Variants in RERE observed in about 807,000 individuals in gnomAD.
RERE encodes arginine-glutamic acid dipeptide repeats protein.
A neutral mutation model predicts 146.1 loss-of-function variants in RERE; 40 were observed. The observed-to-expected ratio is 0.27, with a 90% CI of 0.21 to 0.36. The LOEUF (loss-of-function observed/expected upper bound fraction) is 0.36. Ranked by LOEUF, RERE falls within the 10% of genes least tolerant of loss-of-function variation. The pLI, the probability that RERE is intolerant of heterozygous loss-of-function variation, is 1.00. For synonymous variants in RERE, 1,003 were observed against 866.0 expected (o/e 1.16, Z -2.78); for missense variants, 1,933 against 2,138.7 (o/e 0.90, Z 1.90).
chr1:8,547,077 GCTTTT>G (rs1468975721), intron 6 of RERE, among the ~76,000 whole-genome samples: 3 of 60,260 alleles, frequency 5.0e-5, no homozygotes, highest in Non-Finnish European at 1.2e-4. Context: ...ATACCAACAA[GCTTTT>G]TTTTTAAAAA....
intron 2 of RERE, among the ~76,000 whole-genome samples, chr1:8,641,187 C>T (rs1350506096): frequency 1.3e-5 from 2 of 152,172 alleles, no homozygotes; most frequent in African/African-American, 4.8e-5. Flanking sequence ...GAGCCAAATT[C>T]CTGCATTTCC....
At chr1:8,778,196 T>C (rs1641103388) in intron 1 of RERE, among the ~76,000 whole-genome samples, 1 of 152,336 alleles carries the variant, frequency 6.6e-6, no homozygotes, top group Non-Finnish European at 1.5e-5. Context: ...ATAATTCTCA[T>C]TGTGATGACC....
chr1:8,415,349 C>G (rs1286381068), intron 12 of RERE, among the ~76,000 whole-genome samples: 1 of 152,180 alleles, frequency 6.6e-6, no homozygotes, highest in African/African-American at 2.4e-5. Flanking sequence ...ATCCAGGTAA[C>G]CAAGACACAG....
intron 2 of RERE, among the ~76,000 whole-genome samples, chr1:8,626,384 T>C (rs1646973977): frequency 1.3e-5 from 2 of 152,122 alleles, no homozygotes; most frequent in Admixed American, 6.5e-5. Context: ...CATACCACAT[T>C]TCATGACATT....
chr1:8,680,581 A>G (rs1418929315), intron 1 of RERE, among the ~76,000 whole-genome samples: 3 of 152,206 alleles, frequency 2.0e-5, no homozygotes, highest in African/African-American at 7.2e-5. Context: ...GAAGGAAGAC[A>G]GAGGAGGAGT....
At chr1:8,475,404 G>A (rs938875990) in intron 10 of RERE, among the ~76,000 whole-genome samples, 7 of 147,816 alleles carry the variant, frequency 4.7e-5, no homozygotes, top group Non-Finnish European at 5.9e-5. Context: ...TTGGCTGGGC[G>A]TGGTGGCTCA....
chr1:8,767,480 G>A (rs1428679663), intron 1 of RERE, among the ~76,000 whole-genome samples: 1 of 151,812 alleles, frequency 6.6e-6, no homozygotes, highest in Admixed American at 6.6e-5. Flanking sequence ...GTGCACATCT[G>A]TATTAATCCC....
At chr1:8,512,341 C>T (rs1380484172) in intron 7 of RERE, among the ~76,000 whole-genome samples, 1 of 151,930 alleles carries the variant, frequency 6.6e-6, no homozygotes, top group African/African-American at 2.4e-5. Flanking sequence ...CCAGGAAACA[C>T]TCTTAATCAT....
chr1:8,575,581 A>G (rs1297473508), intron 4 of RERE, among the ~76,000 whole-genome samples: 1 of 140,548 alleles, frequency 7.1e-6, no homozygotes, highest in Non-Finnish European at 1.5e-5. Context: ...TTTTTGGCAG[A>G]GACAGTGTCT....
At chr1:8,636,348 G>A (rs1322513381) in intron 2 of RERE, among the ~76,000 whole-genome samples, 1 of 152,038 alleles carries the variant, frequency 6.6e-6, no homozygotes, top group East Asian at 1.9e-4. Context: ...ACTGCTAGCT[G>A]GGCCCAATAT....
At chr1:8,444,420 G>A (rs949343447) in intron 11 of RERE, among the ~76,000 whole-genome samples, 1 of 152,182 alleles carries the variant, frequency 6.6e-6, no homozygotes, top group Non-Finnish European at 1.5e-5. Context: ...TAGGTGGAAG[G>A]GACTTGCCTT....
At chr1:8,502,684 T>C (rs2124274630) in intron 8 of RERE, among the ~76,000 whole-genome samples, 1 of 150,622 alleles carries the variant, frequency 6.6e-6, no homozygotes, top group African/African-American at 2.5e-5. Flanking sequence ...AATCGGATGG[T>C]TGCCGGGTCT....
intron 1 of RERE, among the ~76,000 whole-genome samples, chr1:8,707,704 T>C (rs1639584545): frequency 6.6e-6 from 1 of 152,188 alleles, no homozygotes; most frequent in Non-Finnish European, 1.5e-5. Context: ...ATGTCAAAAG[T>C]ACACCCCAAC....
At chr1:8,373,083 G>A (rs1557595899) in intron 12 of RERE, among the ~76,000 whole-genome samples, 1 of 152,224 alleles carries the variant, frequency 6.6e-6, no homozygotes, top group Non-Finnish European at 1.5e-5. Context: ...GATGGGACAG[G>A]AGCCAACAGG....
chr1:8,396,730 C>A (rs1223860061), intron 12 of RERE, among the ~76,000 whole-genome samples: 2 of 152,172 alleles, frequency 1.3e-5, no homozygotes, highest in East Asian at 3.8e-4. Context: ...GCAGTTAATA[C>A]ATCTACAATG....
chr1:8,510,782 G>T (rs1223014626), intron 7 of RERE, among the ~76,000 whole-genome samples: 1 of 150,390 alleles, frequency 6.6e-6, no homozygotes, highest in Non-Finnish European at 1.5e-5. Context: ...AGCCCATTCA[G>T]TAACTTCTGC....
At position 8,744,515 on chromosome 1, in the gene RERE, C is replaced by G. The variant is rs189372308; in HGVS notation, c.-145+72645G>C. ...ATCTAAAACATACACAGCAATGTAA[C>G]TGATGGGTACATTCTCAATCAGGTA... On this transcript the variant is annotated intron_variant, in intron 1 of 22. Transcript: ENST00000400908. Among the ~76,000 whole-genome samples, 4 of 152,308 alleles carry G rather than the reference C, an allele frequency of 2.6e-5. No homozygotes were observed. In the East Asian group the frequency reaches 7.7e-4, roughly 29 times the overall value.
chr1:8,474,406 A>G (rs1310959970), intron 10 of RERE, among the ~76,000 whole-genome samples: 3 of 152,252 alleles, frequency 2.0e-5, no homozygotes, highest in Non-Finnish European at 2.9e-5. Context: ...CTTAATTTTT[A>G]TAAGATTGAA....
chr1:8,355,740 A>T lies in RERE; in HGVS notation c.4487-141T>A, dbSNP rs113287033. Reference sequence around the variant, plus strand: ...GGAGCCAGCCCCTCCCAGACTCTGCAGACAGCCAGAGGGCAGAGCCTCTGG... The same window carrying T: ...GGAGCCAGCCCCTCCCAGACTCTGCTGACAGCCAGAGGGCAGAGCCTCTGG... On this transcript the variant is annotated intron_variant, in intron 21 of 22. Transcript: ENST00000400908. 5.2e-3 allele frequency: 3,860 copies of T among 740,136 alleles called. 122 individuals carry two copies. In the African/African-American group the frequency reaches 0.064, roughly 12 times the overall value. The allele number at this position is 740,136 out of a possible 1,614,324, so 45.8% of individuals were successfully genotyped here.
Sources: allele counts gnomAD v4.1 joint callset (sites outside exome capture counted in the v4.1 genomes callset), GRCh38; gene constraint gnomAD v4.1.1; transcripts MANE v1.5; gene names NCBI Gene and HGNC (gene_info 2026-07-23, HGNC 2026-07-21).